Variants in CTXN2 observed in about 807,000 individuals in gnomAD.
CTXN2 encodes cortexin 2.
In CTXN2, 3 loss-of-function variants were observed where a neutral mutation model predicts 5.7. The ratio of observed to expected loss-of-function variants is 0.53; its 90% CI spans 0.24 to 1.36. The LOEUF is 1.36. Ranked by LOEUF, CTXN2 falls within the 40% of genes most tolerant of loss-of-function variation. The pLI, the probability that CTXN2 is intolerant of heterozygous loss-of-function variation, is 0.17. For missense variants in CTXN2, 87 were observed against 93.0 expected (o/e 0.94, Z 0.26); for synonymous variants, 38 against 36.4 (o/e 1.04, Z -0.16).
In CTXN2 at chr15:48,201,242, A is replaced by C; in HGVS notation, c.-57-2A>C. On this transcript the variant is annotated splice_acceptor_variant, in intron 1 of 1. Coordinates refer to ENST00000417307, the MANE Select transcript of CTXN2 (RefSeq NM_001145668.2). LOFTEE classifies it low-confidence loss of function (5UTR_SPLICE). ...CTAAACTGAGTCCAATTTTGTACCT[A>C]GGCAAAGAGTTGATTCCAGAAGGAA... 1 of 1,533,744 alleles carries C rather than the reference A, an allele frequency of 6.5e-7. No individual in the cohort carries two copies. Among genetic ancestry groups the C allele is most frequent in the Non-Finnish European group, 8.8e-7 (1 of 1,134,660 alleles).
At position 48,203,251 on chromosome 15, in the gene CTXN2, A is replaced by C. The variant is rs1251369788; in HGVS notation, c.*1705A>C. On this transcript the variant is annotated 3_prime_UTR_variant, in exon 2 of 2. Transcript: ENST00000417307. ...CTGCTCAGGTCTATGGAATTCCAAA[A>C]CCAGCTGTCTCTGTGAGATTCCTTG... The C allele has an allele frequency of 6.0e-6, 1 of 167,054 alleles. No homozygotes were observed. The highest frequency in any genetic ancestry group is 1.5e-5 in the Non-Finnish European group (1 of 68,132). The allele number at this position is 167,054 out of a possible 1,614,324, so 10.3% of individuals were successfully genotyped here.
chr15:48,189,235 A>C (rs1028116330), upstream of CTXN2: 6 of 152,230 alleles, frequency 3.9e-5, no homozygotes, highest in African/African-American at 1.4e-4. Flanking sequence ...TTCAAAATGT[A>C]AGCATGTGTG....
In CTXN2 at chr15:48,203,080, A is replaced by G. The variant is rs2140993635; in HGVS notation, c.*1534A>G. The G allele has an allele frequency of 6.0e-6, 1 of 167,176 alleles. No individual in the cohort carries two copies. Among genetic ancestry groups the G allele is most frequent in the Middle Eastern group, 3.4e-3 (1 of 296 alleles). The allele number at this position is 167,176 out of a possible 1,614,324, so 10.4% of individuals were successfully genotyped here. Reference sequence around the variant, plus strand: ...TTAATCTTAATTTTGCAGAAGAGAAACTGAAGCTAAGAGAAATTAACTAGC... The same window carrying G: ...TTAATCTTAATTTTGCAGAAGAGAAGCTGAAGCTAAGAGAAATTAACTAGC... On this transcript the variant is annotated 3_prime_UTR_variant, in exon 2 of 2. Coordinates refer to ENST00000417307, the MANE Select transcript of CTXN2 (RefSeq NM_001145668.2).
chr15:48,189,717 A>T (rs181845869), upstream of CTXN2, among the ~76,000 whole-genome samples: 1 of 152,242 alleles, frequency 6.6e-6, no homozygotes, highest in African/African-American at 2.4e-5. Flanking sequence ...TACATAGAAT[A>T]ATAGATGGAA....
chr15:48,200,291 G>A (rs200484289), intron 1 of CTXN2, among the ~76,000 whole-genome samples: 1 of 117,592 alleles, frequency 8.5e-6, no homozygotes, highest in African/African-American at 7.1e-5. Flanking sequence ...GTAATTATTT[G>A]ATTAATTAAA....
At position 48,200,789 on chromosome 15, in the gene CTXN2, A is replaced by T. The variant is rs550088129; in HGVS notation, c.-57-455A>T. On this transcript the variant is annotated intron_variant, in intron 1 of 1. Coordinates refer to ENST00000417307, the MANE Select transcript of CTXN2 (RefSeq NM_001145668.2). ...TATCTGTTTAAAAGGATCAGAATCT[A>T]TATCAGTCAAAATGGCACTGGAAAT... Among the ~76,000 whole-genome samples the T allele has an allele frequency of 2.6e-5, 4 of 152,340 alleles. No homozygotes were observed. In the South Asian group the frequency reaches 8.3e-4, roughly 32 times the overall value.
Position 48,201,541 on chromosome 15 carries a change from G to A in CTXN2, c.241G>A (p.Ala81Thr), listed in dbSNP as rs369010578. ...TAAAGGGACATTTGAATATGCACTCGCGTGAGAGTTCCAGCTATATGGTTT... is the reference window on the plus strand; with the variant it reads ...TAAAGGGACATTTGAATATGCACTCACGTGAGAGTTCCAGCTATATGGTTT... Reference protein sequence around the residue: ...FDKGTFEYALA With the variant: ...FDKGTFEYALT The change falls in exon 2 of 2, where the codon GCG becomes ACG. Residue 81 changes from alanine to threonine, a missense_variant. By Grantham distance (58) the Ala-to-Thr change is moderately conservative (BLOSUM62 0). Transcript: ENST00000417307. 57 of 1,550,942 alleles carry A rather than the reference G, an allele frequency of 3.7e-5. No individual in the cohort carries two copies. The highest frequency in any genetic ancestry group is 1.7e-4 in the East Asian group (7 of 40,908).
chr15:48,190,656 C>A (rs1378809955), upstream of CTXN2, among the ~76,000 whole-genome samples: 1 of 151,992 alleles, frequency 6.6e-6, no homozygotes, highest in Non-Finnish European at 1.5e-5. Flanking sequence ...TTTCCCCCAA[C>A]GACTCACAGT....
At chr15:48,180,757 G>A (rs890495021) in intron 1 of CTXN2, among the ~76,000 whole-genome samples, 3 of 152,352 alleles carry the variant, frequency 2.0e-5, no homozygotes, top group African/African-American at 7.2e-5. Context: ...TGATCTGCCT[G>A]CCTTGGCCTC....
intron 1 of CTXN2, 86 bp downstream of exon 1, chr15:48,191,939 A>C (rs1439502792): frequency 4.8e-6 from 2 of 412,916 alleles, no homozygotes. Flanking sequence ...CCAGATGAGA[A>C]GCATGTCCTC....
Position 48,201,348 on chromosome 15 carries a change from C to T in CTXN2, c.48C>T (p.Asn16=), listed in dbSNP as rs1233263807. Residue 16 remains asparagine (N), a synonymous_variant, in exon 2 of 2, where the codon AAC becomes AAT. Transcript: ENST00000417307. ...ACTCTTCAGCTAAGATGAGTGTCAACGAAGTATCAGCTTTCTCATTGACTC... is the reference window on the plus strand; with the variant it reads ...ACTCTTCAGCTAAGATGAGTGTCAATGAAGTATCAGCTTTCTCATTGACTC... ...CGNSSAKMSV[N]EVSAFSLTLE... is the part of the protein sequence containing the mutation. The T allele has an allele frequency of 1.6e-5, 25 of 1,551,004 alleles. No homozygotes were observed. The highest frequency in any genetic ancestry group is 1.7e-4 in the Middle Eastern group (1 of 6,008).
intron 1 of CTXN2, among the ~76,000 whole-genome samples, chr15:48,183,135 G>A (rs1013969093): frequency 2.0e-5 from 3 of 152,112 alleles, no homozygotes; most frequent in Non-Finnish European, 4.4e-5. Context: ...GAACTTAGAA[G>A]GGCAAAAACG....
At chr15:48,185,707 C>G (rs1054766050) in intron 1 of CTXN2, among the ~76,000 whole-genome samples, 1 of 152,080 alleles carries the variant, frequency 6.6e-6, no homozygotes, top group Non-Finnish European at 1.5e-5. Flanking sequence ...AAAACAAGGA[C>G]AAATGCACAA....
chr15:48,201,594 T>A lies in CTXN2; in HGVS notation c.*48T>A. The A allele has an allele frequency of 6.5e-7, 1 of 1,536,822 alleles. No individual in the cohort carries two copies. Among genetic ancestry groups the A allele is most frequent in the Non-Finnish European group, 8.8e-7 (1 of 1,136,604 alleles). ...ATGGTTGTGCCATCGGGACACATTCTGGATACAATTGTAACTACCTTGAGG... is the reference window on the plus strand; with the variant it reads ...ATGGTTGTGCCATCGGGACACATTCAGGATACAATTGTAACTACCTTGAGG... On this transcript the variant is annotated 3_prime_UTR_variant, in exon 2 of 2. Coordinates refer to ENST00000417307, the MANE Select transcript of CTXN2 (RefSeq NM_001145668.2).
upstream of CTXN2, chr15:48,189,506 C>T (rs2040793024): frequency 6.6e-6 from 1 of 152,068 alleles, no homozygotes; most frequent in African/African-American, 2.4e-5. Context: ...CCCTTGAGCT[C>T]GGCCTGCAAA....
chr15:48,179,855 CTGT>C (rs1438304787), intron 1 of CTXN2, among the ~76,000 whole-genome samples: 1 of 152,212 alleles, frequency 6.6e-6, no homozygotes, highest in African/African-American at 2.4e-5. Flanking sequence ...AGTCATCATT[CTGT>C]TATTCTTTTG....
chr15:48,201,148 G>A, intron 1 of CTXN2, 96 bp from the exon 2 acceptor site: 1 of 692,198 alleles, frequency 1.4e-6, no homozygotes, highest in East Asian at 2.7e-5. Flanking sequence ...TGTGAGTTAA[G>A]TCAAGAAGGT....
At chr15:48,198,398 A>G (rs1470445406) in intron 1 of CTXN2, among the ~76,000 whole-genome samples, 1 of 152,156 alleles carries the variant, frequency 6.6e-6, no homozygotes, top group Admixed American at 6.6e-5. Context: ...ATTTAGTTTA[A>G]TTCAATTAAA....
intron 1 of CTXN2, among the ~76,000 whole-genome samples, chr15:48,183,667 G>T (rs976011197): frequency 1.3e-5 from 2 of 152,172 alleles, no homozygotes; most frequent in African/African-American, 4.8e-5. Flanking sequence ...AAAAATGCCT[G>T]AACTTCTAAA....
Sources: gnomAD v4.1 joint callset for allele counts (sites outside exome capture counted in the v4.1 genomes callset) on GRCh38, gnomAD v4.1.1 for gene constraint, MANE v1.5 for transcripts, NCBI Gene and HGNC (gene_info 2026-07-23, HGNC 2026-07-21) for gene names.